ABCA13: variants seen among roughly 807,000 people sequenced by gnomAD.
ABCA13 encodes ATP binding cassette subfamily A member 13, also known as ATP-binding cassette sub-family A member 13.
ABCA13 carries 476 observed loss-of-function variants against 478.7 expected under a neutral mutation model. The ratio of observed to expected loss-of-function variants is 0.99; its 90% CI spans 0.92 to 1.07. The LOEUF is 1.07. Ranked by LOEUF, ABCA13 falls within the 50% of genes least tolerant of loss-of-function variation. The probability of loss-of-function intolerance (pLI) is 0.00; values close to 1 mark genes in which losing one functional copy is unlikely to be tolerated. For missense variants in ABCA13, 6,060 were observed against 5,910.6 expected (o/e 1.03, Z -0.83); for synonymous variants, 2,252 against 2,158.9 (o/e 1.04, Z -1.20).
intron 27 of ABCA13, among the ~76,000 whole-genome samples, chr7:48,320,836 C>T (rs954084742): frequency 6.6e-6 from 1 of 152,212 alleles, no homozygotes; most frequent in Non-Finnish European, 1.5e-5. Flanking sequence ...AGCTCTCTCC[C>T]TTTGGCTAAA....
chr7:48,363,507 T>C (rs1215579789), intron 31 of ABCA13, among the ~76,000 whole-genome samples: 1 of 152,144 alleles, frequency 6.6e-6, no homozygotes. Flanking sequence ...AGACTCTTGA[T>C]GTATTCTAGC....
At chr7:48,231,639 G>A (rs1789092940) in intron 7 of ABCA13, among the ~76,000 whole-genome samples, 1 of 151,260 alleles carries the variant, frequency 6.6e-6, no homozygotes, top group Non-Finnish European at 1.5e-5. Context: ...TTTCTCCTGA[G>A]GTCTCAGTCT....
At chr7:48,593,409 A>G (rs529351764) in intron 57 of ABCA13, among the ~76,000 whole-genome samples, 60 of 151,972 alleles carry the variant, frequency 3.9e-4, no homozygotes, top group Non-Finnish European at 4.7e-4. Context: ...TTTTGCTTCC[A>G]ACCATCTCAT....
At position 48,629,499 on chromosome 7, in the gene ABCA13, T is replaced by C. The variant is rs956561405; in HGVS notation, c.14838-13789T>C. Among the ~76,000 whole-genome samples the C allele has an allele frequency of 4.7e-5, 7 of 150,044 alleles. No homozygotes were observed. In the Admixed American group the frequency reaches 4.7e-4, roughly 10 times the overall value. On this transcript the variant is annotated intron_variant, in intron 59 of 61. Coordinates refer to ENST00000435803, the MANE Select transcript of ABCA13 (RefSeq NM_152701.5). ...GCCCACAACATTTGTTTCATAGTTA[T>C]CTTACAAATTTTATTTTTTCATTCC...
At chr7:48,384,237 T>A (rs567194855) in intron 35 of ABCA13, among the ~76,000 whole-genome samples, 1 of 152,374 alleles carries the variant, frequency 6.6e-6, no homozygotes, top group East Asian at 1.9e-4. Context: ...TGTGTTTGCT[T>A]GCTTTCTGTC....
chr7:48,632,450 G>A (rs992601825), intron 59 of ABCA13, among the ~76,000 whole-genome samples: 1 of 151,990 alleles, frequency 6.6e-6, no homozygotes, highest in African/African-American at 2.4e-5. Context: ...TTCTTTTGTT[G>A]TTTGTGGTTT....
intron 41 of ABCA13, among the ~76,000 whole-genome samples, chr7:48,419,419 G>T (rs1301812748): frequency 6.6e-6 from 1 of 152,092 alleles, no homozygotes. Context: ...TACTTCATAT[G>T]TAAAATTCCT....
chr7:48,635,300 G>C (rs1794547194), intron 59 of ABCA13, among the ~76,000 whole-genome samples: 1 of 151,702 alleles, frequency 6.6e-6, no homozygotes, highest in African/African-American at 2.4e-5. Context: ...TCTGTTTATG[G>C]CTTGCTTCTT....
intron 38 of ABCA13, among the ~76,000 whole-genome samples, chr7:48,394,053 G>A (rs531476690): frequency 2.6e-5 from 4 of 152,232 alleles, no homozygotes; most frequent in Non-Finnish European, 4.4e-5. Context: ...CTGATGTCAC[G>A]TGCTTTCAGT....
chr7:48,296,750 C>T (rs1262538124), intron 21 of ABCA13, among the ~76,000 whole-genome samples: 3 of 152,120 alleles, frequency 2.0e-5, no homozygotes, highest in Non-Finnish European at 4.4e-5. Context: ...GCTGAGCCAC[C>T]GCACCCGGTC....
At chr7:48,552,514 A>G (rs1785420299) in intron 55 of ABCA13, among the ~76,000 whole-genome samples, 1 of 151,360 alleles carries the variant, frequency 6.6e-6, no homozygotes, top group Admixed American at 6.6e-5. Context: ...TATAGGTCTT[A>G]GTTCAGTCTT....
intron 55 of ABCA13, among the ~76,000 whole-genome samples, chr7:48,573,679 A>G (rs978963044): frequency 1.3e-5 from 2 of 152,138 alleles, no homozygotes; most frequent in African/African-American, 4.8e-5. Flanking sequence ...GGCTGCAGTA[A>G]GCTATGATTG....
At chr7:48,317,821 T>C (rs1376638147) in intron 27 of ABCA13, among the ~76,000 whole-genome samples, 1 of 152,246 alleles carries the variant, frequency 6.6e-6, no homozygotes, top group Non-Finnish European at 1.5e-5. Flanking sequence ...CCAGGAGGAA[T>C]TGAGACACTA....
intron 31 of ABCA13, among the ~76,000 whole-genome samples, chr7:48,353,560 G>A (rs1381745876): frequency 6.6e-6 from 1 of 151,394 alleles, no homozygotes; most frequent in African/African-American, 2.4e-5. Flanking sequence ...CTGGGGCAGA[G>A]CCATGGACCA....
Position 48,404,334 on chromosome 7 carries a change from T to A in ABCA13, c.12070+455T>A, listed in dbSNP as rs1817992818. ...GAACCTCTTGTCCATGTTTCTCACA[T>A]CTATTATTGTTTCTTTCCAATTTAG... On this transcript the variant is annotated intron_variant, in intron 39 of 61. Transcript: ENST00000435803. 3 of 197,342 alleles carry A rather than the reference T, an allele frequency of 1.5e-5. No homozygotes were observed. In the South Asian group the frequency reaches 2.2e-4, roughly 15 times the overall value. The allele number at this position is 197,342 out of a possible 1,614,324, so 12.2% of individuals were successfully genotyped here.
intron 55 of ABCA13, among the ~76,000 whole-genome samples, chr7:48,562,212 G>A (rs911166731): frequency 6.6e-6 from 1 of 151,554 alleles, no homozygotes; most frequent in African/African-American, 2.4e-5. Context: ...GATAGTTTTT[G>A]GTTGTTTTAG....
chr7:48,627,055 C>T, intron 59 of ABCA13: 1 of 985,158 alleles, frequency 1.0e-6, no homozygotes, highest in Non-Finnish European at 1.2e-6. Context: ...CATGTTGCTG[C>T]ATTTATTTTA....
At chr7:48,332,153 A>G (rs981085101) in intron 27 of ABCA13, among the ~76,000 whole-genome samples, 1 of 152,168 alleles carries the variant, frequency 6.6e-6, no homozygotes, top group East Asian at 1.9e-4. Context: ...ACATTGTGGG[A>G]CATCTGGGTT....
rs570096958 is a variant in ABCA13 at position 48,245,924 on chromosome 7, C to T, written c.1553C>T (p.Pro518Leu). The change falls in exon 13 of 62, where the codon CCG (proline) becomes CTG (leucine). Residue 518 changes from proline to leucine, a missense_variant. Coordinates refer to ENST00000435803, the MANE Select transcript of ABCA13 (RefSeq NM_152701.5). ...GRFSEKEVFL[P>L]PGNSSIWGGL... ...TTCTCTGAGAAGGAGGTCTTTTTGC[C>T]GCCTGGAAACTCCAGCATATGGGGT... 2.5e-5 allele frequency: 41 copies of T among 1,613,280 alleles called. No homozygotes were observed. Among genetic ancestry groups the T allele is most frequent in the Admixed American group, 2.5e-4 (15 of 59,894 alleles).
Sources: allele counts gnomAD v4.1 joint callset (sites outside exome capture counted in the v4.1 genomes callset), GRCh38; gene constraint gnomAD v4.1.1; transcripts MANE v1.5; gene names NCBI Gene and HGNC (gene_info 2026-07-23, HGNC 2026-07-21).